KHDRBS2: variants seen among roughly 807,000 people sequenced by gnomAD.
KHDRBS2 encodes the protein KH RNA binding domain containing, signal transduction associated 2.
Under a neutral mutation model 44.3 loss-of-function variants are expected in KHDRBS2, and 26 were observed. The observed-to-expected ratio is 0.59, with a 90% CI of 0.43 to 0.81. The LOEUF (loss-of-function observed/expected upper bound fraction) is 0.81. KHDRBS2 is among the 40% of genes least tolerant of loss of function. The pLI, the probability that KHDRBS2 is intolerant of heterozygous loss-of-function variation, is 0.00. For missense variants in KHDRBS2, 476 were observed against 433.1 expected, an observed-to-expected ratio of 1.10 and a Z score of -0.88; for synonymous variants, 194 against 151.1, an observed-to-expected ratio of 1.28 and a Z score of -2.08.
intron 1 of KHDRBS2, among the ~76,000 whole-genome samples, chr6:62,243,015 T>G (rs1834945065): frequency 6.6e-6 from 1 of 152,202 alleles, no homozygotes; most frequent in Non-Finnish European, 1.5e-5. Context: ...TGGTAAGCTT[T>G]GCATCAGTTT....
At chr6:62,079,580 A>T (rs1242204061) in intron 2 of KHDRBS2, among the ~76,000 whole-genome samples, 1 of 152,114 alleles carries the variant, frequency 6.6e-6, no homozygotes, top group Admixed American at 6.6e-5. Context: ...TTCAAACAAC[A>T]AAAAGGAATT....
intron 3 of KHDRBS2, among the ~76,000 whole-genome samples, chr6:61,989,290 T>C (rs1263253678): frequency 2.0e-5 from 3 of 152,228 alleles, no homozygotes; most frequent in Admixed American, 6.5e-5. Context: ...ATAGCATCCC[T>C]GTCTCCCAGT....
intron 6 of KHDRBS2, among the ~76,000 whole-genome samples, chr6:61,867,996 G>T (rs1798031531): frequency 6.6e-6 from 1 of 152,144 alleles, no homozygotes; most frequent in African/African-American, 2.4e-5. Flanking sequence ...TGCTATGTTG[G>T]GGGATCCCTT....
intron 4 of KHDRBS2, among the ~76,000 whole-genome samples, chr6:61,927,916 T>C (rs1246406488): frequency 6.6e-6 from 1 of 152,124 alleles, no homozygotes; most frequent in African/African-American, 2.4e-5. Context: ...TGAAAGCAGA[T>C]AATTATTGGA....
chr6:61,894,574 C>T (rs889102967), intron 6 of KHDRBS2, 61 bp downstream of exon 6: 47 of 1,340,822 alleles, frequency 3.5e-5, no homozygotes, highest in Middle Eastern at 4.3e-4. Context: ...CAGTTTGAGA[C>T]GTAGCTTGTT....
At chr6:61,823,770 T>G (rs1464093573) in intron 6 of KHDRBS2, among the ~76,000 whole-genome samples, 1 of 152,124 alleles carries the variant, frequency 6.6e-6, no homozygotes, top group Non-Finnish European at 1.5e-5. Flanking sequence ...AAGTAAAGGT[T>G]GTTCAAATTT....
intron 7 of KHDRBS2, among the ~76,000 whole-genome samples, chr6:61,726,591 A>C (rs559785662): frequency 6.6e-6 from 1 of 152,316 alleles, no homozygotes; most frequent in Non-Finnish European, 1.5e-5. Flanking sequence ...ATACAAAATC[A>C]GTGTGCAAAA....
intron 5 of KHDRBS2, among the ~76,000 whole-genome samples, chr6:61,899,346 G>A (rs1451832161): frequency 2.6e-5 from 4 of 151,830 alleles, no homozygotes; most frequent in African/African-American, 9.7e-5. Flanking sequence ...ACAAAATTCT[G>A]TTTCATTTCC....
chr6:61,662,589 G>T, the KHDRBS2 span, among the ~76,000 whole-genome samples: 1 of 152,144 alleles, frequency 6.6e-6, no homozygotes, highest in African/African-American at 2.4e-5. Flanking sequence ...AGTGGGTGAA[G>T]GATATGAACA....
the KHDRBS2 span, among the ~76,000 whole-genome samples, chr6:61,547,535 T>C: frequency 6.6e-6 from 1 of 152,132 alleles, no homozygotes; most frequent in Admixed American, 6.6e-5. Context: ...GACTCCTTAA[T>C]GAAAGATACT....
intron 2 of KHDRBS2, among the ~76,000 whole-genome samples, chr6:62,094,182 A>T (rs1279935941): frequency 4.0e-5 from 6 of 151,794 alleles, no homozygotes; most frequent in African/African-American, 9.7e-5. Context: ...CCTTGTCTTC[A>T]CCTTCTCCCC....
At chr6:62,121,408 G>A (rs1807602647) in intron 2 of KHDRBS2, among the ~76,000 whole-genome samples, 1 of 152,232 alleles carries the variant, frequency 6.6e-6, no homozygotes, top group African/African-American at 2.4e-5. Context: ...TCATAAGACA[G>A]ATAGATCTTG....
chr6:61,846,649 ATATATT>A (rs1300126530), intron 6 of KHDRBS2, among the ~76,000 whole-genome samples: 3 of 152,172 alleles, frequency 2.0e-5, no homozygotes, highest in Non-Finnish European at 4.4e-5. Flanking sequence ...TAATGATTAT[ATATATT>A]TATAACTCAT....
At chr6:62,091,240 G>A (rs1377971778) in intron 2 of KHDRBS2, among the ~76,000 whole-genome samples, 5 of 152,070 alleles carry the variant, frequency 3.3e-5, no homozygotes, top group South Asian at 2.1e-4. Flanking sequence ...AAAGGTCACT[G>A]AGTCCATACA....
At chr6:61,970,858 C>A (rs558051690) in intron 4 of KHDRBS2, among the ~76,000 whole-genome samples, 6 of 152,144 alleles carry the variant, frequency 3.9e-5, no homozygotes, top group Non-Finnish European at 5.9e-5. Flanking sequence ...TATAACATGC[C>A]CTCTTCCCAC....
chr6:61,569,412 G>T, the KHDRBS2 span, among the ~76,000 whole-genome samples: 1 of 152,118 alleles, frequency 6.6e-6, no homozygotes, highest in Admixed American at 6.6e-5. Context: ...AGCAAGCTTA[G>T]ATCCCCCTAT....
At chr6:62,063,037 G>C (rs1287115990) in intron 2 of KHDRBS2, among the ~76,000 whole-genome samples, 3 of 149,240 alleles carry the variant, frequency 2.0e-5, no homozygotes, top group African/African-American at 7.4e-5. Context: ...AGAAGAAATG[G>C]ATACATTCCT....
Position 62,178,548 on chromosome 6 carries a change from A to G in KHDRBS2, c.92-1236T>C, listed in dbSNP as rs182862727. On this transcript the variant is annotated intron_variant, in intron 1 of 8. Transcript: ENST00000281156. ...AAATCAATCACAGCAGAAGGCAAGC[A>G]AAAAAGGAAACCAACTTACATTTGT... Among the ~76,000 whole-genome samples, 15 of 151,666 alleles carry G rather than the reference A, an allele frequency of 9.9e-5. 1 individual carries two copies. The East Asian group carries it at 1.5e-3, about 16-fold the overall frequency.
At chr6:61,844,615 C>T in intron 6 of KHDRBS2, among the ~76,000 whole-genome samples, 1 of 152,072 alleles carries the variant, frequency 6.6e-6, no homozygotes, top group Non-Finnish European at 1.5e-5. Flanking sequence ...AGAACTTTGT[C>T]TTATTCCCTA....
Sources: gnomAD v4.1 joint callset for allele counts (sites outside exome capture counted in the v4.1 genomes callset) on GRCh38, gnomAD v4.1.1 for gene constraint, MANE v1.5 for transcripts, NCBI Gene and HGNC (gene_info 2026-07-23, HGNC 2026-07-21) for gene names.